Variants in CDH13 observed in about 807,000 individuals in gnomAD.
The protein encoded by CDH13 is cadherin 13.
CDH13 carries 24 observed loss-of-function variants against 63.8 expected under a neutral mutation model. That is an observed-to-expected ratio of 0.38 (90% CI 0.27 to 0.53). The LOEUF (loss-of-function observed/expected upper bound fraction) is 0.53, where lower values mean the gene tolerates loss of function less well. CDH13 is among the 20% of genes least tolerant of loss of function. CDH13 has a pLI of 0.85. For synonymous variants in CDH13, 503 were observed against 355.3 expected, an observed-to-expected ratio of 1.42 and a Z score of -4.67; for missense variants, 1,049 against 903.1, an observed-to-expected ratio of 1.16 and a Z score of -2.07.
chr16:83,542,782 A>C (rs2075318157), intron 7 of CDH13, among the ~76,000 whole-genome samples: 1 of 152,098 alleles, frequency 6.6e-6, no homozygotes, highest in African/African-American at 2.4e-5. Flanking sequence ...CCTTGTCTGA[A>C]CATCTGTCTC....
chr16:82,768,636 T>C (rs923210799), intron 1 of CDH13, among the ~76,000 whole-genome samples: 4 of 152,196 alleles, frequency 2.6e-5, no homozygotes, highest in African/African-American at 7.2e-5. Flanking sequence ...CTCAAAATCT[T>C]TGGGGCAGGT....
intron 2 of CDH13, among the ~76,000 whole-genome samples, chr16:82,925,168 G>T (rs1203906896): frequency 6.6e-6 from 1 of 152,098 alleles, no homozygotes; most frequent in African/African-American, 2.4e-5. Context: ...CTCTGTCAGG[G>T]GCTGCCTCCT....
intron 7 of CDH13, among the ~76,000 whole-genome samples, chr16:83,585,329 G>A (rs1159253714): frequency 2.0e-5 from 3 of 152,168 alleles, no homozygotes; most frequent in Admixed American, 6.5e-5. Context: ...CTAAGGCAAG[G>A]GCAGTGGGGA....
At chr16:82,687,784 A>G (rs1001597577) in intron 1 of CDH13, among the ~76,000 whole-genome samples, 2 of 152,140 alleles carry the variant, frequency 1.3e-5, no homozygotes, top group African/African-American at 4.8e-5. Flanking sequence ...ATCTCATTCT[A>G]TCAAAGTTGG....
intron 1 of CDH13, among the ~76,000 whole-genome samples, chr16:82,728,672 G>A (rs2033233761): frequency 6.6e-6 from 1 of 152,124 alleles, no homozygotes; most frequent in African/African-American, 2.4e-5. Flanking sequence ...GATCAGGGTG[G>A]GGGTTGCTGA....
At chr16:82,950,893 A>C (rs1905225234) in intron 2 of CDH13, among the ~76,000 whole-genome samples, 1 of 151,482 alleles carries the variant, frequency 6.6e-6, no homozygotes, top group Non-Finnish European at 1.5e-5. Flanking sequence ...GACACAAAAG[A>C]GCATCTGATC....
intron 3 of CDH13, among the ~76,000 whole-genome samples, chr16:83,094,463 C>T (rs1219181277): frequency 6.6e-6 from 1 of 152,148 alleles, no homozygotes; most frequent in African/African-American, 2.4e-5. Context: ...ATGAGGAGAA[C>T]CCTTCTGTGT....
At chr16:83,591,114 T>C (rs1906702645) in intron 7 of CDH13, among the ~76,000 whole-genome samples, 1 of 151,864 alleles carries the variant, frequency 6.6e-6, no homozygotes, top group African/African-American at 2.4e-5. Flanking sequence ...GTTCACCAGG[T>C]TGGCCATGCT....
intron 4 of CDH13, among the ~76,000 whole-genome samples, chr16:83,158,795 G>A (rs971274830): frequency 6.6e-6 from 1 of 152,222 alleles, no homozygotes; most frequent in Non-Finnish European, 1.5e-5. Context: ...TGCCCTGAGA[G>A]CAGCACTGGC....
At chr16:83,385,158 A>G (rs571096874) in intron 6 of CDH13, among the ~76,000 whole-genome samples, 29 of 152,372 alleles carry the variant, frequency 1.9e-4, no homozygotes, top group African/African-American at 6.7e-4. Flanking sequence ...TATAAAAGTA[A>G]GGGACCAAAG....
chr16:82,708,695 C>G (rs971816345), intron 1 of CDH13, among the ~76,000 whole-genome samples: 6 of 152,282 alleles, frequency 3.9e-5, no homozygotes, highest in Admixed American at 1.3e-4. Flanking sequence ...CATGACCACT[C>G]TAAAAAGAGG....
chr16:83,662,741 A>C (rs1262086280), intron 8 of CDH13, among the ~76,000 whole-genome samples: 2 of 152,226 alleles, frequency 1.3e-5, no homozygotes, highest in African/African-American at 4.8e-5. Flanking sequence ...CACTCACCTG[A>C]TGAGATCAGT....
intron 4 of CDH13, among the ~76,000 whole-genome samples, chr16:83,173,820 C>G (rs2038018241): frequency 6.6e-6 from 1 of 152,022 alleles, no homozygotes; most frequent in Non-Finnish European, 1.5e-5. Flanking sequence ...GCCCTGTTAC[C>G]TTCCTAGCAT....
chr16:83,702,492 AG>A (rs540725689), intron 10 of CDH13, among the ~76,000 whole-genome samples: 1 of 152,124 alleles, frequency 6.6e-6, no homozygotes, highest in Admixed American at 6.6e-5. Flanking sequence ...AGGGTCTTGC[AG>A]GGGGTTTGCA....
chr16:83,773,460 GGAGA>G (rs1473995647), intron 11 of CDH13, among the ~76,000 whole-genome samples: 1 of 152,170 alleles, frequency 6.6e-6, no homozygotes, highest in African/African-American at 2.4e-5. Flanking sequence ...CATGGTGTCA[GGAGA>G]GAGAAGTGCT....
chr16:83,125,113 A>G (rs2035751923), intron 3 of CDH13, among the ~76,000 whole-genome samples: 1 of 152,240 alleles, frequency 6.6e-6, no homozygotes. Flanking sequence ...TATGCAAGCA[A>G]TGAGGGATGA....
chr16:83,172,060 AC>A (rs1217016736), intron 4 of CDH13, among the ~76,000 whole-genome samples: 2 of 152,132 alleles, frequency 1.3e-5, no homozygotes, highest in African/African-American at 4.8e-5. Context: ...GTGTGACCTT[AC>A]TTGGACATAG....
chr16:83,713,700 G>A (rs993194269), intron 10 of CDH13, among the ~76,000 whole-genome samples: 1 of 152,110 alleles, frequency 6.6e-6, no homozygotes. Flanking sequence ...TCCAAGGGTG[G>A]ATGTGGTTTT....
chr16:83,035,499 T>C (rs1916767142), intron 3 of CDH13, among the ~76,000 whole-genome samples: 1 of 151,780 alleles, frequency 6.6e-6, no homozygotes, highest in African/African-American at 2.4e-5. Flanking sequence ...TCATAGTGAG[T>C]TTTTACTGAT....
Sources: allele counts gnomAD v4.1 joint callset (sites outside exome capture counted in the v4.1 genomes callset), GRCh38; gene constraint gnomAD v4.1.1; transcripts MANE v1.5; gene names NCBI Gene and HGNC (gene_info 2026-07-23, HGNC 2026-07-21).